ADAMTS17: variants seen among roughly 807,000 people sequenced by gnomAD.
ADAMTS17 encodes the protein A disintegrin and metalloproteinase with thrombospondin motifs 17.
In ADAMTS17, 113 loss-of-function variants were observed where a neutral mutation model predicts 141.5. That is an observed-to-expected ratio of 0.80 (90% CI 0.69 to 0.93). ADAMTS17 has a LOEUF of 0.93. Ranked by LOEUF, ADAMTS17 falls within the 40% of genes least tolerant of loss-of-function variation. ADAMTS17 has a pLI of 0.00. For synonymous variants in ADAMTS17, 768 were observed against 630.6 expected (o/e 1.22, Z -3.27); for missense variants, 1,659 against 1,517.9 (o/e 1.09, Z -1.54).
At chr15:100,182,547 G>A (rs2040562315) in intron 8 of ADAMTS17, among the ~76,000 whole-genome samples, 1 of 152,176 alleles carries the variant, frequency 6.6e-6, no homozygotes, top group Non-Finnish European at 1.5e-5. Flanking sequence ...AAGGGTGGGG[G>A]AAGAGGTTGC....
chr15:100,152,616 A>C lies in ADAMTS17; in HGVS notation c.1469T>G (p.Met490Arg). ...FGMNATFCRN[M>R]EHLMCAGLWC... is the part of the protein sequence containing the mutation. ...AGCCCTCCCACGGCTGCTTACCTCC[A>C]TGTTTCTGCAGAAGGTGGCATTCAT... Residue 490 changes from methionine to arginine, a missense_variant, in exon 10 of 22, where the codon ATG (methionine) becomes AGG (arginine). By Grantham distance (91) the Met-to-Arg change is moderately conservative. Coordinates refer to ENST00000268070, the MANE Select transcript of ADAMTS17 (RefSeq NM_139057.4). 1 of 1,613,740 alleles carries C rather than the reference A, an allele frequency of 6.2e-7. No homozygotes were observed. The highest frequency in any genetic ancestry group is 8.5e-7 in the Non-Finnish European group (1 of 1,180,006).
chr15:100,082,390 T>C (rs1489464531), intron 15 of ADAMTS17, among the ~76,000 whole-genome samples: 1 of 151,908 alleles, frequency 6.6e-6, no homozygotes, highest in Admixed American at 6.6e-5. Context: ...ATAGTCTTTT[T>C]TTTTTTTTGA....
At chr15:100,284,044 G>T (rs1006110934) in intron 3 of ADAMTS17, among the ~76,000 whole-genome samples, 1 of 152,188 alleles carries the variant, frequency 6.6e-6, no homozygotes, top group African/African-American at 2.4e-5. Context: ...AGCAGAGGTT[G>T]CAGTGAGCCA....
chr15:100,232,554 T>C (rs547210135), intron 7 of ADAMTS17, among the ~76,000 whole-genome samples: 1 of 152,322 alleles, frequency 6.6e-6, no homozygotes, highest in South Asian at 2.1e-4. Flanking sequence ...AGATGCCCAA[T>C]CGGCTATTCC....
At chr15:100,084,602 C>T (rs985741896) in intron 15 of ADAMTS17, among the ~76,000 whole-genome samples, 5 of 152,316 alleles carry the variant, frequency 3.3e-5, no homozygotes, top group East Asian at 1.9e-4. Context: ...CCTGTAGGGG[C>T]GGACTGACAC....
chr15:100,274,821 T>C (rs1330606417), intron 4 of ADAMTS17, among the ~76,000 whole-genome samples: 2 of 149,956 alleles, frequency 1.3e-5, no homozygotes, highest in Admixed American at 1.3e-4. Context: ...TATATTTTTT[T>C]TTGGTAGTGA....
intron 8 of ADAMTS17, among the ~76,000 whole-genome samples, chr15:100,184,205 C>G (rs554979291): frequency 6.6e-6 from 1 of 152,246 alleles, no homozygotes; most frequent in East Asian, 1.9e-4. Context: ...CTCTGTTGGG[C>G]TTTGTCTCCC....
At chr15:100,017,862 G>A (rs1010790316) in intron 18 of ADAMTS17, among the ~76,000 whole-genome samples, 7 of 152,202 alleles carry the variant, frequency 4.6e-5, no homozygotes, top group Non-Finnish European at 1.0e-4. Context: ...AGTCATGCTA[G>A]TAGGTGTGAA....
At chr15:100,079,987 T>A (rs2034626000) in intron 15 of ADAMTS17, among the ~76,000 whole-genome samples, 1 of 152,204 alleles carries the variant, frequency 6.6e-6, no homozygotes, top group African/African-American at 2.4e-5. Flanking sequence ...GACAACACTT[T>A]GCAGGGCTGA....
intron 15 of ADAMTS17, among the ~76,000 whole-genome samples, chr15:100,067,629 C>A (rs1252356369): frequency 1.3e-5 from 2 of 151,882 alleles, no homozygotes; most frequent in African/African-American, 4.8e-5. Flanking sequence ...TCTCTTTTGT[C>A]TTCTGCAGCA....
intron 18 of ADAMTS17, among the ~76,000 whole-genome samples, chr15:100,024,283 A>C (rs1397826710): frequency 6.6e-6 from 1 of 152,080 alleles, no homozygotes; most frequent in Non-Finnish European, 1.5e-5. Context: ...TTTTGTAGAG[A>C]TGTTGTCTCA....
chr15:100,226,589 G>GT (rs1464848873), intron 7 of ADAMTS17, among the ~76,000 whole-genome samples: 1 of 152,244 alleles, frequency 6.6e-6, no homozygotes, highest in African/African-American at 2.4e-5. Context: ...GAGAAATCCT[G>GT]TAACTCTCTC....
intron 15 of ADAMTS17, among the ~76,000 whole-genome samples, chr15:100,087,827 TGGG>T (rs1307491640): frequency 6.6e-6 from 1 of 152,316 alleles, no homozygotes; most frequent in East Asian, 1.9e-4. Context: ...TAGGTATTGA[TGGG>T]ACGTATCTCA....
chr15:99,997,423 C>G lies in ADAMTS17; in HGVS notation c.2758G>C (p.Asp920His). Residue 920 changes from aspartate (D) to histidine (H), a missense_variant, in exon 19 of 22, where the codon GAC (aspartate) becomes CAC (histidine). Asp to His is a moderately conservative substitution (Grantham distance 81). Transcript: ENST00000268070. The surrounding 1 kb of genome is among the most constrained non-coding windows in gnomAD (Gnocchi z 4.7). The part of the protein sequence containing the change: ...PAAVQSCEGQ[D>H]CLSIWEASEW... Reference sequence around the variant, plus strand: ...GACGCCTCCCAGATGGACAGGCAGTCCTGGCCTTCACAGCTCTGCACTGCC... The same window carrying G: ...GACGCCTCCCAGATGGACAGGCAGTGCTGGCCTTCACAGCTCTGCACTGCC... The G allele has an allele frequency of 6.2e-7, 1 of 1,613,756 alleles. No homozygotes were observed. Among genetic ancestry groups the G allele is most frequent in the South Asian group, 1.1e-5 (1 of 91,082 alleles).
intron 2 of ADAMTS17, among the ~76,000 whole-genome samples, chr15:100,334,670 A>C (rs1419563327): frequency 1.3e-5 from 2 of 152,008 alleles, no homozygotes; most frequent in Non-Finnish European, 2.9e-5. Flanking sequence ...GGGGCTTCCC[A>C]ACCTGCACCC....
chr15:100,313,167 C>T (rs1039088268), intron 3 of ADAMTS17, among the ~76,000 whole-genome samples: 1 of 152,162 alleles, frequency 6.6e-6, no homozygotes, highest in Admixed American at 6.5e-5. Context: ...TTCCATACTT[C>T]TTTTCATGGA....
chr15:100,081,829 G>C (rs114718292), intron 15 of ADAMTS17, among the ~76,000 whole-genome samples: 5 of 152,142 alleles, frequency 3.3e-5, no homozygotes, highest in Non-Finnish European at 7.3e-5. Flanking sequence ...AAGGCTCAGC[G>C]TCCTATACAC....
intron 15 of ADAMTS17, among the ~76,000 whole-genome samples, chr15:100,092,576 T>C (rs184871655): frequency 1.3e-5 from 2 of 152,314 alleles, no homozygotes; most frequent in East Asian, 3.9e-4. Flanking sequence ...GAAGCCTCAT[T>C]TTGTACCATA....
At chr15:100,219,888 G>A (rs911610054) in intron 7 of ADAMTS17, among the ~76,000 whole-genome samples, 1 of 152,112 alleles carries the variant, frequency 6.6e-6, no homozygotes, top group East Asian at 1.9e-4. Context: ...TTTCCACTGA[G>A]CATTCTTTAT....
Sources: allele counts gnomAD v4.1 joint callset (sites outside exome capture counted in the v4.1 genomes callset), GRCh38; gene constraint gnomAD v4.1.1; non-coding constraint Gnocchi (gnomAD v3.1); transcripts MANE v1.5; gene names NCBI Gene and HGNC (gene_info 2026-07-23, HGNC 2026-07-21).